The following ADCY1 variants were observed in gnomAD, a reference collection of about 807,000 sequenced individuals.
The protein encoded by ADCY1 is adenylate cyclase 1, also known as adenylate cyclase type 1.
Under a neutral mutation model 105.4 loss-of-function variants are expected in ADCY1, and 28 were observed. The ratio of observed to expected loss-of-function variants is 0.27; its 90% CI spans 0.20 to 0.36. The LOEUF (loss-of-function observed/expected upper bound fraction) is 0.36, where lower values mean the gene tolerates loss of function less well. ADCY1 is among the 10% of genes least tolerant of loss of function. The pLI is 1.00. For missense variants in ADCY1, 977 were observed against 1,434.2 expected (o/e 0.68, Z 5.15); for synonymous variants, 655 against 623.8 (o/e 1.05, Z -0.75).
chr7:45,677,718 C>A, intron 8 of ADCY1, 151 bp from the exon 9 acceptor site: 2 of 821,606 alleles, frequency 2.4e-6, no homozygotes, highest in Non-Finnish European at 3.8e-6. Flanking sequence ...TGCCATCTCA[C>A]CACCAGCAGG....
At chr7:45,621,135 A>G (rs2037445) in intron 3 of ADCY1, among the ~76,000 whole-genome samples, 64,873 of 151,992 alleles carry the variant, frequency 0.43, 14,352 homozygotes, top group East Asian at 0.69. Context: ...GGCATGCTTC[A>G]GCTCACTGCA....
intron 4 of ADCY1, among the ~76,000 whole-genome samples, chr7:45,639,128 TG>T (rs1562701328): frequency 6.6e-6 from 1 of 152,226 alleles, no homozygotes; most frequent in East Asian, 1.9e-4. Context: ...TGAAGGTCTC[TG>T]GGGGAAGTTA....
intron 3 of ADCY1, among the ~76,000 whole-genome samples, 183 bp downstream of exon 3, chr7:45,610,680 G>A (rs1188336555): frequency 1.7e-5 from 2 of 119,934 alleles, no homozygotes; most frequent in South Asian, 2.9e-4. Flanking sequence ...GGTGATAGGT[G>A]GAGGCGAGGA....
intron 4 of ADCY1, among the ~76,000 whole-genome samples, chr7:45,625,198 C>T (rs556576498): frequency 4.6e-5 from 7 of 152,218 alleles, no homozygotes; most frequent in South Asian, 4.1e-4. Flanking sequence ...GGTGTATGGG[C>T]GGGGGCTCTG....
chr7:45,695,266 T>C (rs530700652), intron 14 of ADCY1, among the ~76,000 whole-genome samples: 6 of 152,354 alleles, frequency 3.9e-5, no homozygotes, highest in Admixed American at 1.3e-4. Context: ...GCAAATTGAA[T>C]TCCTGTTACT....
At chr7:45,586,049 G>A (rs1470769064) in intron 1 of ADCY1, among the ~76,000 whole-genome samples, 1 of 152,132 alleles carries the variant, frequency 6.6e-6, no homozygotes, top group Non-Finnish European at 1.5e-5. Flanking sequence ...TACCACCTGG[G>A]GGCTTGCATC....
chr7:45,712,287 C>G (rs1455429737), intron 19 of ADCY1, among the ~76,000 whole-genome samples: 2 of 143,858 alleles, frequency 1.4e-5, no homozygotes, highest in Non-Finnish European at 3.0e-5. Context: ...TTTACAATGA[C>G]TGTATCCTGC....
chr7:45,657,067 C>T (rs139426870), intron 5 of ADCY1, among the ~76,000 whole-genome samples: 1 of 152,376 alleles, frequency 6.6e-6, no homozygotes, highest in African/African-American at 2.4e-5. Flanking sequence ...CCTGCTCTGC[C>T]TCTTTTCCCT....
chr7:45,622,246 A>G (rs1793919909), intron 3 of ADCY1, among the ~76,000 whole-genome samples: 1 of 152,152 alleles, frequency 6.6e-6, no homozygotes, highest in Non-Finnish European at 1.5e-5. Flanking sequence ...AGGGGCCCAC[A>G]TGCTGAAAAG....
intron 3 of ADCY1, among the ~76,000 whole-genome samples, chr7:45,611,937 T>G (rs1384820115): frequency 6.6e-6 from 1 of 152,212 alleles, no homozygotes; most frequent in East Asian, 1.9e-4. Flanking sequence ...CTTCTTATGT[T>G]GAGCACCACA....
chr7:45,662,899 C>A (rs934309452), intron 8 of ADCY1, among the ~76,000 whole-genome samples: 1 of 152,190 alleles, frequency 6.6e-6, no homozygotes, highest in Non-Finnish European at 1.5e-5. Flanking sequence ...TCCAGTGTCA[C>A]CCCTTCATCA....
chr7:45,579,764 ACT>A (rs1468927601), intron 1 of ADCY1, among the ~76,000 whole-genome samples: 2 of 151,794 alleles, frequency 1.3e-5, no homozygotes, highest in Admixed American at 6.5e-5. Flanking sequence ...TTGGCTGGAC[ACT>A]CTTCCTGAGG....
intron 4 of ADCY1, 116 bp from the exon 5 acceptor site, chr7:45,648,542 GTGGCCCAGGTGC>G: frequency 7.8e-7 from 1 of 1,284,450 alleles, no homozygotes; most frequent in Non-Finnish European, 1.1e-6. Flanking sequence ...CGGGAAGGTG[GTGGCCCAGGTGC>G]AGCATGTCTT....
chr7:45,672,703 AAT>A (rs1181261808), intron 8 of ADCY1, among the ~76,000 whole-genome samples: 1 of 151,788 alleles, frequency 6.6e-6, no homozygotes, highest in Non-Finnish European at 1.5e-5. Flanking sequence ...GGATTTTTTT[AAT>A]ATATATATAT....
At chr7:45,658,558 A>G (rs1034141685) in intron 6 of ADCY1, among the ~76,000 whole-genome samples, 1 of 152,168 alleles carries the variant, frequency 6.6e-6, no homozygotes, top group Non-Finnish European at 1.5e-5. Context: ...TTTGCAGAAC[A>G]CTGGCTGCCC....
intron 4 of ADCY1, among the ~76,000 whole-genome samples, chr7:45,626,508 A>G (rs901943726): frequency 6.6e-6 from 1 of 152,158 alleles, no homozygotes; most frequent in African/African-American, 2.4e-5. Context: ...TTAGGATATC[A>G]TTACAGCTGC....
In ADCY1 at chr7:45,722,879, C is replaced by T. The variant is rs1387748632; in HGVS notation, c.*8884C>T. ...TCATGATAGATTTGTATGATCAATA[C>T]GGGTCTATTTTTATGTCAACTGAAC... On this transcript the variant is annotated 3_prime_UTR_variant, in exon 20 of 20. Coordinates refer to ENST00000297323, the MANE Select transcript of ADCY1 (RefSeq NM_021116.4). 1 of 152,584 alleles carries T rather than the reference C, an allele frequency of 6.6e-6. No individual in the cohort carries two copies. The highest frequency in any genetic ancestry group is 1.5e-5 in the Non-Finnish European group (1 of 68,018). 9.5% of individuals were successfully genotyped at this position (152,584 alleles called of 1,614,324 possible).
intron 3 of ADCY1, among the ~76,000 whole-genome samples, chr7:45,615,140 C>G (rs78550347): frequency 2.0e-5 from 3 of 152,128 alleles, no homozygotes; most frequent in Non-Finnish European, 4.4e-5. Flanking sequence ...CAGAACAAGT[C>G]CTTACAATTT....
chr7:45,586,225 A>G (rs1015061778), intron 1 of ADCY1, among the ~76,000 whole-genome samples: 4 of 151,972 alleles, frequency 2.6e-5, no homozygotes, highest in African/African-American at 9.7e-5. Context: ...ATGGAGGAAC[A>G]GGCTGCATGC....
Sources: gnomAD v4.1 joint callset for allele counts (sites outside exome capture counted in the v4.1 genomes callset) on GRCh38, gnomAD v4.1.1 for gene constraint, MANE v1.5 for transcripts, NCBI Gene and HGNC (gene_info 2026-07-23, HGNC 2026-07-21) for gene names.